CMSS1: variants seen among roughly 807,000 people sequenced by gnomAD.
The protein encoded by CMSS1 is protein CMSS1.
Under a neutral mutation model 43.5 loss-of-function variants are expected in CMSS1, and 33 were observed. The ratio of observed to expected loss-of-function variants is 0.76; its 90% CI spans 0.57 to 1.01. The LOEUF (loss-of-function observed/expected upper bound fraction) is 1.01. Ranked by LOEUF, CMSS1 falls within the 50% of genes least tolerant of loss-of-function variation. CMSS1 has a pLI of 0.00. For synonymous variants in CMSS1, 115 were observed against 117.2 expected, an observed-to-expected ratio of 0.98 and a Z score of 0.12; for missense variants, 313 against 326.4, an observed-to-expected ratio of 0.96 and a Z score of 0.32.
At chr3:99,952,163 T>C (rs776719556) in intron 1 of CMSS1, among the ~76,000 whole-genome samples, 14 of 151,970 alleles carry the variant, frequency 9.2e-5, no homozygotes, top group Non-Finnish European at 1.5e-4. Flanking sequence ...CTCCTATAGA[T>C]GTGTTTTTTT....
chr3:100,043,729 T>G (rs2065240569), intron 1 of CMSS1, among the ~76,000 whole-genome samples: 1 of 152,244 alleles, frequency 6.6e-6, no homozygotes, highest in African/African-American at 2.4e-5. Flanking sequence ...TGTGATATTT[T>G]AATCTCTGTA....
chr3:99,844,196 G>T (rs559113873), intron 1 of CMSS1, among the ~76,000 whole-genome samples: 2 of 152,142 alleles, frequency 1.3e-5, no homozygotes, highest in African/African-American at 4.8e-5. Flanking sequence ...TTGAAGTACC[G>T]TTTTAGGGCA....
chr3:99,919,012 G>A (rs1338151964), intron 1 of CMSS1, among the ~76,000 whole-genome samples: 3 of 152,166 alleles, frequency 2.0e-5, no homozygotes. Context: ...AGTTTAGTGT[G>A]TATGAAATTT....
At chr3:100,049,872 T>C (rs2065340620) in intron 1 of CMSS1, among the ~76,000 whole-genome samples, 1 of 152,200 alleles carries the variant, frequency 6.6e-6, no homozygotes, top group Non-Finnish European at 1.5e-5. Context: ...TCAATAAGGC[T>C]TCTGGTCAAC....
intron 1 of CMSS1, among the ~76,000 whole-genome samples, chr3:100,141,887 G>A (rs1303895862): frequency 2.6e-5 from 4 of 152,256 alleles, no homozygotes; most frequent in South Asian, 2.1e-4. Context: ...TAGCCTCCTC[G>A]AATCCCAGCA....
intron 1 of CMSS1, among the ~76,000 whole-genome samples, chr3:99,998,492 G>A (rs539901929): frequency 6.6e-6 from 1 of 152,288 alleles, no homozygotes; most frequent in Non-Finnish European, 1.5e-5. Context: ...ATTTGGTAAA[G>A]GGAAGTAGGG....
At chr3:99,875,281 A>T (rs1335793641) in intron 1 of CMSS1, among the ~76,000 whole-genome samples, 1 of 152,188 alleles carries the variant, frequency 6.6e-6, no homozygotes, top group East Asian at 1.9e-4. Context: ...CCTCTTCAGG[A>T]TTTAGATGTA....
chr3:99,992,542 T>A (rs1365137147), intron 1 of CMSS1, among the ~76,000 whole-genome samples: 1 of 152,140 alleles, frequency 6.6e-6, no homozygotes, highest in East Asian at 1.9e-4. Context: ...GTTGTTTGAG[T>A]TCCTTGTAGA....
At chr3:99,929,492 G>A (rs1707403295) in intron 1 of CMSS1, among the ~76,000 whole-genome samples, 1 of 151,824 alleles carries the variant, frequency 6.6e-6, no homozygotes, top group African/African-American at 2.4e-5. Flanking sequence ...ATTACAGCCT[G>A]GGTACCCTGC....
At chr3:100,130,172 A>G (rs904744049) in intron 1 of CMSS1, among the ~76,000 whole-genome samples, 1 of 152,184 alleles carries the variant, frequency 6.6e-6, no homozygotes, top group Non-Finnish European at 1.5e-5. Flanking sequence ...TTCCATTCCT[A>G]TAAAGTGTGT....
intron 1 of CMSS1, chr3:99,876,160 C>T (rs944953435): frequency 2.0e-6 from 2 of 985,678 alleles, no homozygotes; most frequent in Non-Finnish European, 2.4e-6. Flanking sequence ...CTCCGAGAGT[C>T]GCCCGAACAA....
chr3:99,958,738 G>A (rs1185138022), intron 1 of CMSS1, among the ~76,000 whole-genome samples: 2 of 152,200 alleles, frequency 1.3e-5, no homozygotes, highest in African/African-American at 4.8e-5. Flanking sequence ...GAACAGCAGT[G>A]TGGATCATGG....
intron 1 of CMSS1, among the ~76,000 whole-genome samples, chr3:100,056,751 G>A (rs1373984877): frequency 1.3e-5 from 2 of 151,348 alleles, no homozygotes; most frequent in African/African-American, 2.4e-5. Context: ...TGTAATCCCA[G>A]CCCTTTGGGA....
intron 2 of CMSS1, among the ~76,000 whole-genome samples, chr3:100,148,273 C>T (rs1445079905): frequency 1.3e-5 from 2 of 152,044 alleles, no homozygotes; most frequent in African/African-American, 4.8e-5. Flanking sequence ...GAGATGAGAT[C>T]TCACTATGTT....
At chr3:99,942,837 A>G (rs555871766) in intron 1 of CMSS1, among the ~76,000 whole-genome samples, 2 of 152,260 alleles carry the variant, frequency 1.3e-5, no homozygotes, top group East Asian at 3.9e-4. Flanking sequence ...TCAAAAAAAA[A>G]AACTGAAAAA....
intron 1 of CMSS1, among the ~76,000 whole-genome samples, chr3:99,866,384 G>T (rs1463616191): frequency 6.6e-6 from 1 of 152,118 alleles, no homozygotes; most frequent in Non-Finnish European, 1.5e-5. Context: ...TAACTTGTTA[G>T]TGGGAAATTC....
At chr3:100,044,677 C>A (rs1383244660) in intron 1 of CMSS1, among the ~76,000 whole-genome samples, 1 of 152,094 alleles carries the variant, frequency 6.6e-6, no homozygotes, top group Non-Finnish European at 1.5e-5. Context: ...AATGAGTAAC[C>A]ATTGAAAGAT....
chr3:100,142,428 T>C lies in CMSS1; in HGVS notation c.65-4545T>C, dbSNP rs182149392. ...TCAGGTATTATAAGTAATCTAGAGATAATTTAAAGTATACAGGAGAATGTA... is the reference window on the plus strand; with the variant it reads ...TCAGGTATTATAAGTAATCTAGAGACAATTTAAAGTATACAGGAGAATGTA... On this transcript the variant is annotated intron_variant, in intron 1 of 9. Coordinates refer to ENST00000421999, the MANE Select transcript of CMSS1 (RefSeq NM_032359.4). Among the ~76,000 whole-genome samples, 402 of 152,346 alleles carry C rather than the reference T, an allele frequency of 2.6e-3. 7 individuals are homozygous for C. The highest frequency in any genetic ancestry group is 0.021 in the Admixed American group (328 of 15,308).
chr3:100,156,165 C>T (rs890339287), intron 2 of CMSS1, among the ~76,000 whole-genome samples: 2 of 151,980 alleles, frequency 1.3e-5, no homozygotes, highest in Non-Finnish European at 2.9e-5. Flanking sequence ...CACTTTGTCA[C>T]TCATGCTGGA....
Sources: gnomAD v4.1 joint callset for allele counts (sites outside exome capture counted in the v4.1 genomes callset) on GRCh38, gnomAD v4.1.1 for gene constraint, MANE v1.5 for transcripts, NCBI Gene and HGNC (gene_info 2026-07-23, HGNC 2026-07-21) for gene names.